The following PRKCE variants were observed in gnomAD, a reference collection of about 807,000 sequenced individuals.
PRKCE encodes the protein protein kinase C epsilon type.
In PRKCE, 16 loss-of-function variants were observed where a neutral mutation model predicts 85.4. The observed-to-expected ratio is 0.19, with a 90% confidence interval of 0.13 to 0.28. The LOEUF (loss-of-function observed/expected upper bound fraction) is 0.28, where lower values mean the gene tolerates loss of function less well. PRKCE is among the 10% of genes least tolerant of loss of function. PRKCE has a pLI of 1.00. For missense variants in PRKCE, 573 were observed against 975.2 expected, an observed-to-expected ratio of 0.59 and a Z score of 5.49; for synonymous variants, 388 against 371.5, an observed-to-expected ratio of 1.04 and a Z score of -0.51.
intron 3 of PRKCE, among the ~76,000 whole-genome samples, 168 bp downstream of exon 3, chr2:45,976,756 T>C (rs577091212): frequency 9.9e-5 from 15 of 152,060 alleles, no homozygotes; most frequent in Non-Finnish European, 1.9e-4. Flanking sequence ...GTTTGGTACA[T>C]AGGGGGAAAT....
intron 11 of PRKCE, among the ~76,000 whole-genome samples, chr2:46,128,569 C>T (rs981691320): frequency 2.6e-5 from 4 of 152,202 alleles, no homozygotes; most frequent in Admixed American, 6.5e-5. Flanking sequence ...GGAGACGTCA[C>T]GTTCTCCTGC....
intron 2 of PRKCE, among the ~76,000 whole-genome samples, chr2:45,935,079 A>ACACACACACACACACC: frequency 6.6e-6 from 1 of 151,788 alleles, no homozygotes; most frequent in African/African-American, 2.4e-5. Flanking sequence ...ACACACACAC[A>ACACACACACACACACC]CACACACACA....
intron 1 of PRKCE, among the ~76,000 whole-genome samples, chr2:45,764,239 C>T (rs907825585): frequency 6.6e-6 from 1 of 152,094 alleles, no homozygotes; most frequent in Non-Finnish European, 1.5e-5. Context: ...TACGAATGTC[C>T]GTAGGTGAAA....
At chr2:45,727,464 A>G (rs952171667) in intron 1 of PRKCE, among the ~76,000 whole-genome samples, 1 of 152,102 alleles carries the variant, frequency 6.6e-6, no homozygotes, top group Non-Finnish European at 1.5e-5. Flanking sequence ...AAGGATAAGG[A>G]TAAGAGGATT....
intron 1 of PRKCE, among the ~76,000 whole-genome samples, chr2:45,698,396 G>C (rs764039548): frequency 3.3e-5 from 5 of 152,118 alleles, no homozygotes; most frequent in Non-Finnish European, 7.3e-5. Flanking sequence ...GGGCTATTTA[G>C]AGGGAGTGTC....
chr2:46,034,492 T>G (rs1426253333), intron 10 of PRKCE, among the ~76,000 whole-genome samples: 3 of 152,222 alleles, frequency 2.0e-5, no homozygotes, highest in Non-Finnish European at 4.4e-5. Flanking sequence ...TTTGAAAACA[T>G]TGCATATAGA....
At chr2:45,957,709 GAGACCAGCCTGGGCAATATAGCA>G (rs1189815277) in intron 2 of PRKCE, among the ~76,000 whole-genome samples, 2 of 151,968 alleles carry the variant, frequency 1.3e-5, no homozygotes, top group African/African-American at 4.8e-5. Flanking sequence ...CCAGGAGTTT[GAGACCAGCCTGGGCAATATAGCA>G]AGACCCCACC....
At chr2:45,962,544 G>T (rs1334684096) in intron 2 of PRKCE, among the ~76,000 whole-genome samples, 1 of 152,162 alleles carries the variant, frequency 6.6e-6, no homozygotes, top group Non-Finnish European at 1.5e-5. Context: ...GAAGTTTATA[G>T]ATATGCAGCT....
At chr2:46,014,259 C>A (rs1705936716) in intron 10 of PRKCE, among the ~76,000 whole-genome samples, 1 of 152,088 alleles carries the variant, frequency 6.6e-6, no homozygotes, top group South Asian at 2.1e-4. Flanking sequence ...GGAATTCTAC[C>A]AAACTTGATT....
rs180671375 is a variant in PRKCE at position 45,919,664 on chromosome 2, G to A, written c.413-56765G>A. ...TCTGAAGAGGACATCCCAACAGATC[G>A]TGGATCATTGTCATGAATTCCCCCC... On this transcript the variant is annotated intron_variant, in intron 2 of 14. Transcript: ENST00000306156. 1.8e-4 allele frequency among the ~76,000 whole-genome samples: 28 copies of A among 152,336 alleles called. No homozygotes were observed. In the East Asian group the frequency reaches 2.7e-3, roughly 15 times the overall value.
At chr2:46,009,086 T>C (rs571851280) in intron 9 of PRKCE, among the ~76,000 whole-genome samples, 1 of 152,322 alleles carries the variant, frequency 6.6e-6, no homozygotes, top group South Asian at 2.1e-4. Flanking sequence ...CGTTTGTAGG[T>C]AAATGAGTGC....
At chr2:46,105,988 A>AT (rs763267002) in intron 11 of PRKCE, among the ~76,000 whole-genome samples, 3 of 152,250 alleles carry the variant, frequency 2.0e-5, no homozygotes, top group Non-Finnish European at 4.4e-5. Context: ...GTAGTAAATG[A>AT]TAAAATAGAC....
chr2:45,925,661 C>T (rs1210789306), intron 2 of PRKCE, among the ~76,000 whole-genome samples: 1 of 152,232 alleles, frequency 6.6e-6, no homozygotes, highest in African/African-American at 2.4e-5. Context: ...AGGATACATC[C>T]ATCCGAGTAG....
intron 2 of PRKCE, among the ~76,000 whole-genome samples, chr2:45,844,625 T>C (rs1691630864): frequency 6.6e-6 from 1 of 152,260 alleles, no homozygotes; most frequent in Non-Finnish European, 1.5e-5. Flanking sequence ...TTCTAGACAC[T>C]GGCGAAACAT....
intron 1 of PRKCE, among the ~76,000 whole-genome samples, chr2:45,763,056 A>G (rs1684643926): frequency 6.6e-6 from 1 of 150,764 alleles, no homozygotes. Context: ...GGTTCACACC[A>G]TTCTCCTGCC....
chr2:45,723,697 C>T (rs1246694464), intron 1 of PRKCE, among the ~76,000 whole-genome samples: 4 of 152,122 alleles, frequency 2.6e-5, no homozygotes, highest in Admixed American at 6.5e-5. Context: ...CTCCGCCTTC[C>T]GGTTTCAAGC....
chr2:45,919,212 C>T (rs1478482821), intron 2 of PRKCE, among the ~76,000 whole-genome samples: 1 of 152,332 alleles, frequency 6.6e-6, no homozygotes, highest in East Asian at 1.9e-4. Flanking sequence ...GGCTCTTGGG[C>T]TGATGCCGTA....
At chr2:46,104,551 G>C (rs1473976634) in intron 11 of PRKCE, among the ~76,000 whole-genome samples, 1 of 151,974 alleles carries the variant, frequency 6.6e-6, no homozygotes, top group South Asian at 2.1e-4. Flanking sequence ...TTTCCATAGA[G>C]TACTATATAC....
chr2:45,746,674 G>A (rs1240510004), intron 1 of PRKCE, among the ~76,000 whole-genome samples: 3 of 152,024 alleles, frequency 2.0e-5, no homozygotes, highest in African/African-American at 4.8e-5. Context: ...TCAGTGTCCC[G>A]CCTTTCCCAC....
Sources: gnomAD v4.1 joint callset for allele counts (sites outside exome capture counted in the v4.1 genomes callset) on GRCh38, gnomAD v4.1.1 for gene constraint, MANE v1.5 for transcripts, NCBI Gene and HGNC (gene_info 2026-07-23, HGNC 2026-07-21) for gene names.